CELF2: variants seen among roughly 807,000 people sequenced by gnomAD.
The protein encoded by CELF2 is CUGBP Elav-like family member 2.
A neutral mutation model predicts 62.6 loss-of-function variants in CELF2; 8 were observed. The observed-to-expected ratio is 0.13, with a 90% CI of 0.07 to 0.23. The LOEUF (loss-of-function observed/expected upper bound fraction) is 0.23, where lower values mean the gene tolerates loss of function less well. Among genes scored for constraint, CELF2 ranks in the 10% least tolerant of loss-of-function variants. CELF2 has a pLI of 1.00. For missense variants in CELF2, 333 were observed against 671.0 expected (o/e 0.50, Z 5.56); for synonymous variants, 258 against 250.0 (o/e 1.03, Z -0.30).
chr10:11,065,188 G>C (rs928182894), intron 1 of CELF2, among the ~76,000 whole-genome samples: 2 of 152,200 alleles, frequency 1.3e-5, no homozygotes, highest in Non-Finnish European at 2.9e-5. Context: ...AGTGTATCTT[G>C]GGATTTTCTG....
At chr10:10,987,083 G>C (rs534748508) in intron 2 of CELF2, among the ~76,000 whole-genome samples, 1 of 152,276 alleles carries the variant, frequency 6.6e-6, no homozygotes, top group South Asian at 2.1e-4. Flanking sequence ...TGGTCCTACC[G>C]TCTCAATTGC....
chr10:10,964,755 C>T (rs1316990515), intron 2 of CELF2, among the ~76,000 whole-genome samples: 2 of 152,174 alleles, frequency 1.3e-5, no homozygotes, highest in South Asian at 4.1e-4. Context: ...CCTGAAACCT[C>T]TCATGCAGAA....
At chr10:10,966,343 A>C (rs1564279508) in intron 2 of CELF2, among the ~76,000 whole-genome samples, 1 of 152,314 alleles carries the variant, frequency 6.6e-6, no homozygotes, top group East Asian at 1.9e-4. Context: ...AGTGGAGCTG[A>C]AGAGCTCGGG....
At chr10:10,610,616 G>A in the CELF2 span, among the ~76,000 whole-genome samples, 1 of 152,156 alleles carries the variant, frequency 6.6e-6, no homozygotes, top group South Asian at 2.1e-4. Context: ...GAAGTCAGAA[G>A]TTTAAAGAAA....
At chr10:10,914,688 G>C (rs1413060411) in intron 1 of CELF2, among the ~76,000 whole-genome samples, 3 of 152,090 alleles carry the variant, frequency 2.0e-5, no homozygotes, top group Non-Finnish European at 4.4e-5. Flanking sequence ...CCCTGAAGAG[G>C]TCAAATGAAT....
chr10:10,580,546 T>G, the CELF2 span, among the ~76,000 whole-genome samples: 4 of 152,224 alleles, frequency 2.6e-5, no homozygotes, highest in Admixed American at 2.0e-4. Flanking sequence ...ACCAACTGTG[T>G]GACCTTCGGC....
At chr10:11,115,733 C>T (rs2056418958) in intron 1 of CELF2, among the ~76,000 whole-genome samples, 2 of 152,184 alleles carry the variant, frequency 1.3e-5, no homozygotes, top group African/African-American at 4.8e-5. Flanking sequence ...AAGCAAAATA[C>T]TGAAATGCAT....
chr10:10,804,821 T>C (rs928733485), intron 1 of CELF2, among the ~76,000 whole-genome samples: 1 of 152,186 alleles, frequency 6.6e-6, no homozygotes, highest in African/African-American at 2.4e-5. Flanking sequence ...AGTGTACATT[T>C]CTCTTTCACA....
intron 1 of CELF2, among the ~76,000 whole-genome samples, chr10:10,815,458 A>G (rs536547876): frequency 1.4e-4 from 22 of 152,190 alleles, no homozygotes; most frequent in Non-Finnish European, 3.1e-4. Context: ...GTTAGAGAAT[A>G]TAGAGAATAA....
chr10:11,066,094 C>T (rs984548905), intron 1 of CELF2, among the ~76,000 whole-genome samples: 5 of 152,072 alleles, frequency 3.3e-5, no homozygotes, highest in African/African-American at 9.7e-5. Flanking sequence ...ATCAGGCCAC[C>T]GGAAGTGGGG....
chr10:10,661,467 T>C, the CELF2 span, among the ~76,000 whole-genome samples: 1 of 152,256 alleles, frequency 6.6e-6, no homozygotes, highest in Admixed American at 6.5e-5. Context: ...AAAGGTGCTA[T>C]GAACATTCTT....
At chr10:11,146,488 GT>G (rs2062306705) in intron 1 of CELF2, among the ~76,000 whole-genome samples, 1 of 152,160 alleles carries the variant, frequency 6.6e-6, no homozygotes, top group Non-Finnish European at 1.5e-5. Context: ...CAAGCAATTT[GT>G]TTTCCCTTTC....
At chr10:10,469,383 C>G in the CELF2 span, among the ~76,000 whole-genome samples, 2 of 151,750 alleles carry the variant, frequency 1.3e-5, no homozygotes, top group Non-Finnish European at 2.9e-5. Context: ...TTGACATGTT[C>G]CCAGTCTTAA....
the CELF2 span, among the ~76,000 whole-genome samples, chr10:10,519,723 T>A: frequency 1.3e-5 from 2 of 152,092 alleles, no homozygotes; most frequent in Non-Finnish European, 2.9e-5. Flanking sequence ...GAAAGACAAA[T>A]GAAAATGGTG....
chr10:11,245,279 A>C (rs1373118243), intron 3 of CELF2, among the ~76,000 whole-genome samples: 1 of 152,170 alleles, frequency 6.6e-6, no homozygotes, highest in African/African-American at 2.4e-5. Context: ...GTATTATGAC[A>C]ATGACTCCTC....
the CELF2 span, among the ~76,000 whole-genome samples, chr10:10,512,468 G>C: frequency 6.8e-6 from 1 of 146,372 alleles, no homozygotes; most frequent in Non-Finnish European, 1.5e-5. Context: ...GTGCAGTGGC[G>C]TGATCTCTGC....
rs1025678998 is a variant in CELF2 at position 11,246,669 on chromosome 10, A to G, written c.355-2484A>G. Among the ~76,000 whole-genome samples, 9 of 152,232 alleles carry G rather than the reference A, an allele frequency of 5.9e-5. No homozygotes were observed. The highest frequency in any genetic ancestry group is 1.9e-4 in the African/African-American group (8 of 41,528). Reference sequence around the variant, plus strand: ...CTCCCATGGGACCAGTTGCTCCTGCAGCTCCTCCTGCCCCTCACTCTGCTC... The same window carrying G: ...CTCCCATGGGACCAGTTGCTCCTGCGGCTCCTCCTGCCCCTCACTCTGCTC... On this transcript the variant is annotated intron_variant, in intron 3 of 12. Transcript: ENST00000633077. The surrounding 1 kb of genome is among the most constrained non-coding windows in gnomAD (Gnocchi z 4.6).
chr10:10,593,903 AC>A, the CELF2 span, among the ~76,000 whole-genome samples: 2 of 152,100 alleles, frequency 1.3e-5, no homozygotes, highest in East Asian at 3.9e-4. Context: ...CCAAATGCAT[AC>A]TCCATAGGGT....
intron 1 of CELF2, among the ~76,000 whole-genome samples, chr10:10,919,068 C>T (rs1313360079): frequency 6.6e-6 from 1 of 151,950 alleles, no homozygotes; most frequent in Admixed American, 6.6e-5. Flanking sequence ...GTCAGGAGGT[C>T]GAGACTAGCC....
Sources: allele counts gnomAD v4.1 joint callset (sites outside exome capture counted in the v4.1 genomes callset), GRCh38; gene constraint gnomAD v4.1.1; non-coding constraint Gnocchi (gnomAD v3.1); transcripts MANE v1.5; gene names NCBI Gene and HGNC (gene_info 2026-07-23, HGNC 2026-07-21).